PHACTR3: variants seen among roughly 807,000 people sequenced by gnomAD.
PHACTR3 encodes phosphatase and actin regulator 3, also known as protein phosphatase 1, regulatory subunit 123.
A neutral mutation model predicts 66.8 loss-of-function variants in PHACTR3; 16 were observed. The observed-to-expected ratio is 0.24, with a 90% CI of 0.16 to 0.36. The LOEUF (loss-of-function observed/expected upper bound fraction) is 0.36, where lower values mean the gene tolerates loss of function less well. Ranked by LOEUF, PHACTR3 falls within the 10% of genes least tolerant of loss-of-function variation. PHACTR3 has a pLI of 1.00. For synonymous variants in PHACTR3, 323 were observed against 292.1 expected (o/e 1.11, Z -1.08); for missense variants, 647 against 719.9 (o/e 0.90, Z 1.16).
chr20:59,618,395 T>C (rs971011838), intron 1 of PHACTR3, among the ~76,000 whole-genome samples: 1 of 151,992 alleles, frequency 6.6e-6, no homozygotes, highest in African/African-American at 2.4e-5. Flanking sequence ...TTCCAAGCCG[T>C]CACTCTGGCT....
At chr20:59,608,977 G>GCACAGAGCTC (rs2033763297) in intron 1 of PHACTR3, among the ~76,000 whole-genome samples, 1 of 152,222 alleles carries the variant, frequency 6.6e-6, no homozygotes, top group Non-Finnish European at 1.5e-5. Context: ...TCAGATGCAG[G>GCACAGAGCTC]AGACTTTCAG....
intron 1 of PHACTR3, among the ~76,000 whole-genome samples, chr20:59,707,942 CT>C (rs2037772382): frequency 6.6e-6 from 1 of 152,182 alleles, no homozygotes; most frequent in African/African-American, 2.4e-5. Context: ...TCAAGTGTTC[CT>C]TTTTAACAAT....
chr20:59,811,792 C>A (rs187130473), intron 8 of PHACTR3, among the ~76,000 whole-genome samples: 151 of 152,308 alleles, frequency 9.9e-4, no homozygotes, highest in African/African-American at 3.6e-3. Context: ...GGCTAGAGCC[C>A]CAGCCGTCTT....
chr20:59,613,422 T>C (rs568916143), intron 1 of PHACTR3, among the ~76,000 whole-genome samples: 1 of 152,324 alleles, frequency 6.6e-6, no homozygotes, highest in South Asian at 2.1e-4. Flanking sequence ...CCTGCCGAGT[T>C]TGACATTGCC....
At chr20:59,650,586 A>G (rs1015389910) in intron 1 of PHACTR3, among the ~76,000 whole-genome samples, 1 of 152,040 alleles carries the variant, frequency 6.6e-6, no homozygotes, top group African/African-American at 2.4e-5. Flanking sequence ...GTTAGTGTAA[A>G]TGGGTGTGAC....
intron 1 of PHACTR3, among the ~76,000 whole-genome samples, chr20:59,708,707 A>G (rs755731086): frequency 3.9e-4 from 59 of 152,230 alleles, no homozygotes; most frequent in Non-Finnish European, 7.2e-4. Context: ...GTGATGAATC[A>G]TTATCTTTAC....
intron 7 of PHACTR3, among the ~76,000 whole-genome samples, chr20:59,785,848 C>G (rs958575875): frequency 9.9e-5 from 4 of 40,474 alleles, no homozygotes; most frequent in African/African-American, 2.0e-4. Context: ...TCCAGCAGCC[C>G]TCTGCATCCC....
chr20:59,654,309 T>C lies in PHACTR3; in HGVS notation c.118+49177T>C, dbSNP rs138886048. 4.5e-3 allele frequency among the ~76,000 whole-genome samples: 680 copies of C among 152,254 alleles called. 6 individuals carry two copies. Among genetic ancestry groups the C allele is most frequent in the African/African-American group, 0.016 (651 of 41,564 alleles). On this transcript the variant is annotated intron_variant, in intron 1 of 12. Transcript: ENST00000371015. ...AATAGCTGATGATTGAACGTCTTCT[T>C]TATAGAAAAATTTTAATTAATAAAT... is the stretch of plus-strand genomic sequence containing the variant.
intron 1 of PHACTR3, among the ~76,000 whole-genome samples, chr20:59,583,987 C>T (rs945343978): frequency 2.0e-5 from 3 of 152,360 alleles, no homozygotes; most frequent in South Asian, 2.1e-4. Flanking sequence ...CCTCACACTA[C>T]GAAGTGGGCC....
At chr20:59,711,671 T>C (rs916565600) in intron 1 of PHACTR3, among the ~76,000 whole-genome samples, 3 of 152,194 alleles carry the variant, frequency 2.0e-5, no homozygotes, top group African/African-American at 7.2e-5. Context: ...CCACAGCCTA[T>C]TTTATAATAA....
At chr20:59,813,452 C>G (rs1361496068) in intron 8 of PHACTR3, among the ~76,000 whole-genome samples, 1 of 152,186 alleles carries the variant, frequency 6.6e-6, no homozygotes, top group African/African-American at 2.4e-5. Flanking sequence ...CTGTCACATC[C>G]AATGTCATTG....
intron 1 of PHACTR3, among the ~76,000 whole-genome samples, chr20:59,616,227 T>A (rs1275290547): frequency 1.3e-5 from 2 of 152,212 alleles, no homozygotes; most frequent in Non-Finnish European, 2.9e-5. Flanking sequence ...TTTAGCACAG[T>A]TCCTGGGACA....
rs779428033 is a variant in PHACTR3 at position 59,773,325 on chromosome 20, T to C, written c.798T>C (p.Pro266=). 6.2e-7 allele frequency: 1 copy of C among 1,614,102 alleles called. No individual in the cohort carries two copies. Among genetic ancestry groups the C allele is most frequent in the Admixed American group, 1.7e-5 (1 of 60,024 alleles). Residue 266 remains proline (P), a synonymous_variant, in exon 6 of 13, where the codon CCT becomes CCC. Transcript: ENST00000371015. The stretch of plus-strand genomic sequence containing the variant: ...CCTCCAGCATGAAGAGTGCCGACCC[T>C]TCCCTCCGGGGCCAGCTCTCCACAC... ...FQASSMKSAD[P]SLRGQLSTPT... is the part of the protein sequence containing the mutation.
At chr20:59,813,910 T>C (rs2041812065) in intron 8 of PHACTR3, among the ~76,000 whole-genome samples, 1 of 152,228 alleles carries the variant, frequency 6.6e-6, no homozygotes, top group Admixed American at 6.5e-5. Context: ...GCCATTACCC[T>C]GTGTCACATC....
At chr20:59,837,373 ATG>A (rs2058985047) in intron 9 of PHACTR3, among the ~76,000 whole-genome samples, 1 of 152,146 alleles carries the variant, frequency 6.6e-6, no homozygotes, top group Non-Finnish European at 1.5e-5. Flanking sequence ...TGAAGTTATA[ATG>A]GTACCAAGCT....
chr20:59,828,297 C>G (rs2042251381), intron 8 of PHACTR3, among the ~76,000 whole-genome samples: 1 of 152,170 alleles, frequency 6.6e-6, no homozygotes, highest in South Asian at 2.1e-4. Flanking sequence ...TCTCTCAGGG[C>G]ATGGAGTGAC....
chr20:59,694,146 A>G (rs965111417), intron 1 of PHACTR3, among the ~76,000 whole-genome samples: 6 of 152,190 alleles, frequency 3.9e-5, no homozygotes, highest in Non-Finnish European at 7.3e-5. Context: ...GGCTTTGCAG[A>G]GATGCAGACT....
Position 59,604,602 on chromosome 20 carries a change from G to A in PHACTR3, c.-413G>A. The A allele has an allele frequency of 4.0e-6, 1 of 248,258 alleles. No individual in the cohort carries two copies. Among genetic ancestry groups the A allele is most frequent in the Non-Finnish European group, 6.2e-6 (1 of 160,128 alleles). The allele number at this position is 248,258 out of a possible 1,614,324, so 15.4% of individuals were successfully genotyped here. On this transcript the variant is annotated 5_prime_UTR_variant, in exon 1 of 13. Transcript: ENST00000371015. ...TCCCTTTTTTCCTGGGGGGGTGGGGGGTGGGGTGGGGGGAGGGAGCGCCCC... is the reference window on the plus strand; with the variant it reads ...TCCCTTTTTTCCTGGGGGGGTGGGGAGTGGGGTGGGGGGAGGGAGCGCCCC...
intron 4 of PHACTR3, among the ~76,000 whole-genome samples, chr20:59,756,224 C>T (rs1005903035): frequency 6.6e-6 from 1 of 152,194 alleles, no homozygotes; most frequent in Non-Finnish European, 1.5e-5. Flanking sequence ...GTGATTCTTA[C>T]GGAGCTTCAC....
Sources: allele counts gnomAD v4.1 joint callset (sites outside exome capture counted in the v4.1 genomes callset), GRCh38; gene constraint gnomAD v4.1.1; transcripts MANE v1.5; gene names NCBI Gene and HGNC (gene_info 2026-07-23, HGNC 2026-07-21).